Variants in TRIM44 observed in about 807,000 individuals in gnomAD.
The protein encoded by TRIM44 is tripartite motif-containing protein 44.
TRIM44 carries 13 observed loss-of-function variants against 37.4 expected under a neutral mutation model. The observed-to-expected ratio is 0.35, with a 90% CI of 0.23 to 0.55. The LOEUF (loss-of-function observed/expected upper bound fraction) is 0.55, where lower values mean the gene tolerates loss of function less well. TRIM44 is among the 20% of genes least tolerant of loss of function. TRIM44 has a pLI of 0.89. For synonymous variants in TRIM44, 175 were observed against 157.2 expected (o/e 1.11, Z -0.85); for missense variants, 426 against 437.2 (o/e 0.97, Z 0.23).
At chr11:35,737,697 G>C (rs989510623) in intron 4 of TRIM44, among the ~76,000 whole-genome samples, 1 of 151,996 alleles carries the variant, frequency 6.6e-6, no homozygotes, top group African/African-American at 2.4e-5. Context: ...TTAGCCAAGG[G>C]TGGTGGCGCA....
intron 2 of TRIM44, among the ~76,000 whole-genome samples, chr11:35,686,262 C>T (rs1256161722): frequency 6.6e-6 from 1 of 152,054 alleles, no homozygotes; most frequent in Admixed American, 6.6e-5. Flanking sequence ...TACTGTGGCA[C>T]TACCTGGTAT....
chr11:35,790,830 G>A (rs1219951059), intron 4 of TRIM44, among the ~76,000 whole-genome samples: 3 of 152,118 alleles, frequency 2.0e-5, no homozygotes, highest in Non-Finnish European at 4.4e-5. Flanking sequence ...CCGTTTCCTA[G>A]GGAAACTCAT....
At chr11:35,719,746 GATT>G (rs1195496880) in intron 2 of TRIM44, among the ~76,000 whole-genome samples, 1 of 152,152 alleles carries the variant, frequency 6.6e-6, no homozygotes, top group African/African-American at 2.4e-5. Flanking sequence ...TCTGTGTCTA[GATT>G]ATTATTATTT....
chr11:35,796,228 G>C (rs75849044), intron 4 of TRIM44, among the ~76,000 whole-genome samples: 1 of 149,930 alleles, frequency 6.7e-6, no homozygotes, highest in Non-Finnish European at 1.5e-5. Context: ...GTGTGTGTGC[G>C]CGCGCGCACG....
At chr11:35,682,139 C>G (rs1443311631) in intron 1 of TRIM44, among the ~76,000 whole-genome samples, 1 of 151,792 alleles carries the variant, frequency 6.6e-6, no homozygotes, top group Non-Finnish European at 1.5e-5. Context: ...CCATGCCTGT[C>G]CCGTTCCGTA....
rs530126941 is a variant in TRIM44 at position 35,680,410 on chromosome 11, A to T, written c.670-4849A>T. Reference sequence around the variant, plus strand: ...CACTCATAGAAAGTAATAATTTTTTAAAAAACTGTTACATGTACCATTTTG... The same window carrying T: ...CACTCATAGAAAGTAATAATTTTTTTAAAAACTGTTACATGTACCATTTTG... On this transcript the variant is annotated intron_variant, in intron 1 of 4. Coordinates refer to ENST00000299413, the MANE Select transcript of TRIM44 (RefSeq NM_017583.6). 3.3e-5 allele frequency among the ~76,000 whole-genome samples: 5 copies of T among 152,264 alleles called. No homozygotes were observed. In the South Asian group the frequency reaches 6.2e-4, roughly 19 times the overall value.
rs868182640 is a variant in TRIM44 at position 35,735,553 on chromosome 11, G to T, written c.1007+108G>T. ...ACAGCCAAGGAACAGCACAGAAAAGGGATCTCTATCTTAAGCCTGGGATTT... is the reference window on the plus strand; with the variant it reads ...ACAGCCAAGGAACAGCACAGAAAAGTGATCTCTATCTTAAGCCTGGGATTT... On this transcript the variant is annotated intron_variant, in intron 4 of 4. Coordinates refer to ENST00000299413, the MANE Select transcript of TRIM44 (RefSeq NM_017583.6). 18 of 1,106,288 alleles carry T rather than the reference G, an allele frequency of 1.6e-5. No homozygotes were observed. The Middle Eastern group carries it at 7.9e-4, about 48-fold the overall frequency. 68.5% of individuals were successfully genotyped at this position (1,106,288 alleles called of 1,614,324 possible).
intron 4 of TRIM44, among the ~76,000 whole-genome samples, chr11:35,753,393 A>G (rs142019801): frequency 8.3e-4 from 126 of 152,234 alleles, no homozygotes; most frequent in Non-Finnish European, 1.6e-4. Context: ...CAGAGATTCT[A>G]CTCTGCCAGT....
intron 3 of TRIM44, among the ~76,000 whole-genome samples, chr11:35,730,865 T>A (rs888009748): frequency 6.6e-6 from 1 of 150,884 alleles, no homozygotes; most frequent in African/African-American, 2.4e-5. Context: ...TTTTTTTTTT[T>A]TTTTGAGACG....
At chr11:35,713,278 A>G (rs1852000979) in intron 2 of TRIM44, among the ~76,000 whole-genome samples, 1 of 152,188 alleles carries the variant, frequency 6.6e-6, no homozygotes, top group Admixed American at 6.6e-5. Flanking sequence ...TTCCTAACTC[A>G]GCCCATTTAT....
intron 4 of TRIM44, among the ~76,000 whole-genome samples, chr11:35,758,366 A>T (rs1852675865): frequency 6.6e-6 from 1 of 152,166 alleles, no homozygotes; most frequent in Admixed American, 6.5e-5. Flanking sequence ...ATCTTCCTCC[A>T]TCCCTTTATT....
intron 3 of TRIM44, among the ~76,000 whole-genome samples, chr11:35,728,288 C>T (rs918812892): frequency 2.6e-5 from 4 of 152,192 alleles, no homozygotes; most frequent in African/African-American, 9.6e-5. Context: ...ATTGCAGCCA[C>T]TGCACCCCAG....
At chr11:35,702,063 A>G (rs568194252) in intron 2 of TRIM44, among the ~76,000 whole-genome samples, 3 of 152,308 alleles carry the variant, frequency 2.0e-5, no homozygotes, top group African/African-American at 7.2e-5. Context: ...TTGCCACCCA[A>G]GGGGTTATAT....
chr11:35,776,972 T>C (rs1852975984), intron 4 of TRIM44, among the ~76,000 whole-genome samples: 1 of 152,188 alleles, frequency 6.6e-6, no homozygotes, highest in African/African-American at 2.4e-5. Flanking sequence ...CTATTAGGTC[T>C]GCTTGGTGCA....
intron 2 of TRIM44, among the ~76,000 whole-genome samples, chr11:35,717,718 C>G (rs1209193826): frequency 6.6e-6 from 1 of 152,116 alleles, no homozygotes; most frequent in Non-Finnish European, 1.5e-5. Flanking sequence ...CACTGGTAAG[C>G]AATTCAGAAC....
At chr11:35,679,289 C>T (rs1472541067) in intron 1 of TRIM44, among the ~76,000 whole-genome samples, 1 of 152,220 alleles carries the variant, frequency 6.6e-6, no homozygotes, top group Non-Finnish European at 1.5e-5. Context: ...TCTGATGCCA[C>T]TGCTACCTGC....
intron 1 of TRIM44, among the ~76,000 whole-genome samples, chr11:35,680,751 T>C (rs1274017245): frequency 2.0e-5 from 3 of 152,202 alleles, no homozygotes; most frequent in Middle Eastern, 3.2e-3. Context: ...CAACAACATA[T>C]GGAAGTCCCC....
At chr11:35,772,106 T>C (rs1041454138) in intron 4 of TRIM44, among the ~76,000 whole-genome samples, 1 of 152,102 alleles carries the variant, frequency 6.6e-6, no homozygotes, top group Non-Finnish European at 1.5e-5. Flanking sequence ...CTTCAGAGGG[T>C]GTAAGCCGCA....
At chr11:35,788,013 C>A (rs907427005) in intron 4 of TRIM44, among the ~76,000 whole-genome samples, 2 of 152,170 alleles carry the variant, frequency 1.3e-5, no homozygotes, top group African/African-American at 2.4e-5. Context: ...CATGCTTATT[C>A]CCTTGATTAG....
Sources: allele counts gnomAD v4.1 joint callset (sites outside exome capture counted in the v4.1 genomes callset), GRCh38; gene constraint gnomAD v4.1.1; transcripts MANE v1.5; gene names NCBI Gene and HGNC (gene_info 2026-07-23, HGNC 2026-07-21).